Variants in TTC39A observed in about 807,000 individuals in gnomAD.
TTC39A encodes tetratricopeptide repeat protein 39A.
In TTC39A, 46 loss-of-function variants were observed where a neutral mutation model predicts 82.3. The observed-to-expected ratio is 0.56, with a 90% CI of 0.44 to 0.71. The LOEUF is 0.71. Among genes scored for constraint, TTC39A ranks in the 30% least tolerant of loss-of-function variants. The pLI is 0.00. For missense variants in TTC39A, 543 were observed against 712.9 expected (o/e 0.76, Z 2.71); for synonymous variants, 254 against 275.2 (o/e 0.92, Z 0.76).
rs143651677 is a variant in TTC39A, at chr1:51,313,225, T to C, written c.147-282A>G. Among the ~76,000 whole-genome samples, 758 of 152,184 alleles carry C rather than the reference T, an allele frequency of 5.0e-3. 4 individuals are homozygous for C. The highest frequency in any genetic ancestry group is 0.017 in the African/African-American group (695 of 41,562). ...TCGGTAGGGGTGGCAGCAGCATAGC[T>C]GCCATGAGCACTGAGAAAGGGTTTA... On this transcript the variant is annotated intron_variant, in intron 2 of 17. Coordinates refer to ENST00000680483, the MANE Select transcript of TTC39A (RefSeq NM_001297663.2).
upstream of TTC39A, chr1:51,331,510 G>A: frequency 1.0e-6 from 1 of 985,440 alleles, no homozygotes; most frequent in Non-Finnish European, 1.2e-6. Context: ...GAGCAACTAT[G>A]ACCTCCAGGA....
chr1:51,345,108 G>T, exon 1 of TTC39A: 1 of 1,200,130 alleles, frequency 8.3e-7, no homozygotes. Context: ...CGGCCGTGGA[G>T]GCTACAGTGG....
At chr1:51,325,661 T>C (rs1645687535) in intron 1 of TTC39A, among the ~76,000 whole-genome samples, 1 of 152,188 alleles carries the variant, frequency 6.6e-6, no homozygotes. Context: ...CATCCAAGCA[T>C]GCATTCTAAC....
intron 1 of TTC39A, among the ~76,000 whole-genome samples, chr1:51,327,515 A>T (rs140945785): frequency 6.6e-6 from 1 of 152,224 alleles, no homozygotes; most frequent in Non-Finnish European, 1.5e-5. Context: ...TGCAGCTATT[A>T]CTTGCTGGAT....
At chr1:51,331,562 C>A (rs1445118608), upstream of TTC39A, 15 of 985,278 alleles carry the variant, frequency 1.5e-5, no homozygotes, top group African/African-American at 1.7e-5. Context: ...GCAGAAGCAA[C>A]CACGGTGGGA....
intron 1 of TTC39A, among the ~76,000 whole-genome samples, chr1:51,337,587 C>T (rs1240626462): frequency 2.0e-5 from 3 of 151,944 alleles, no homozygotes; most frequent in African/African-American, 7.3e-5. Context: ...CCACCATGCC[C>T]AGCTAATTTT....
chr1:51,301,561 C>A lies in TTC39A; in HGVS notation c.1053+11G>T. The A allele has an allele frequency of 6.3e-7, 1 of 1,593,550 alleles. No individual in the cohort carries two copies. Among genetic ancestry groups the A allele is most frequent in the African/African-American group, 1.3e-5 (1 of 74,650 alleles). On this transcript the variant is annotated intron_variant, in intron 12 of 17. Coordinates refer to ENST00000680483, the MANE Select transcript of TTC39A (RefSeq NM_001297663.2). ...GTCACCCAATGCCCCTAACACGTGG[C>A]ATCAGCCCACCTTGGACCAGCAGTT...
intron 6 of TTC39A, 83 bp from the exon 7 acceptor site, chr1:51,306,159 G>A: frequency 8.9e-7 from 1 of 1,124,886 alleles, no homozygotes; most frequent in Non-Finnish European, 1.3e-6. Context: ...TGGGCCTCAG[G>A]TAAACTCCCT....
intron 1 of TTC39A, among the ~76,000 whole-genome samples, chr1:51,337,985 T>A (rs1478191627): frequency 2.0e-5 from 3 of 152,194 alleles, no homozygotes; most frequent in Non-Finnish European, 4.4e-5. Context: ...GACATGTGGC[T>A]GTGCCCAGCT....
chr1:51,311,715 ACTT>A (rs978748993), intron 4 of TTC39A, among the ~76,000 whole-genome samples: 1 of 152,144 alleles, frequency 6.6e-6, no homozygotes, highest in African/African-American at 2.4e-5. Flanking sequence ...ACCCCAGACC[ACTT>A]CTTCTCATGT....
Position 51,312,832 on chromosome 1 carries a change from C to T in TTC39A, c.258G>A (p.Glu86=). ...DILLAGNMMK[E]AQMLCQRHRR... is the part of the protein sequence containing the mutation. Reference sequence around the variant, plus strand: ...CCAACCTCTGACACAGCATCTGTGCCTCCTTCATCATGTTGCCGGCAAGCA... The same window carrying T: ...CCAACCTCTGACACAGCATCTGTGCTTCCTTCATCATGTTGCCGGCAAGCA... The change falls in exon 3 of 18, where the codon GAG becomes GAA. Residue 86 remains glutamate, a synonymous_variant. Transcript: ENST00000680483. 6.2e-7 allele frequency: 1 copy of T among 1,613,890 alleles called. No homozygotes were observed. The highest frequency in any genetic ancestry group is 1.1e-5 in the South Asian group (1 of 91,060).
At chr1:51,331,821 GGA>G (rs1645916247), upstream of TTC39A, 3 of 985,262 alleles carry the variant, frequency 3.0e-6, no homozygotes, top group Non-Finnish European at 3.6e-6. Context: ...CCAGACAAGG[GGA>G]GAGACTGGGG....
At position 51,338,598 on chromosome 1, in the gene TTC39A, C is replaced by CTT. The variant is rs982499820; in HGVS notation, c.53+6391_53+6392dup. ...GCAGCGCTGTCGAGTGGAGATTTAT[C>CTT]TTTTTTTTTTTTTTTTTTTTTTTGA... is the stretch of plus-strand genomic sequence containing the variant. On this transcript the variant is annotated intron_variant, in intron 1 of 5. Transcript: ENST00000401051. Among the ~76,000 whole-genome samples the CTT allele has an allele frequency of 4.5e-3, 499 of 111,778 alleles. 5 individuals are homozygous for CTT. Among genetic ancestry groups the CTT allele is most frequent in the African/African-American group, 0.012 (333 of 28,676 alleles). The allele number at this position is 111,778 out of a possible 152,430, so 73.3% of individuals were successfully genotyped here.
rs1644852961 is a variant in TTC39A, at chr1:51,305,961, G to A, written c.588+16C>T. The A allele has an allele frequency of 1.2e-6, 2 of 1,612,032 alleles. No homozygotes were observed. The highest frequency in any genetic ancestry group is 1.3e-5 in the African/African-American group (1 of 74,876). On this transcript the variant is annotated intron_variant, in intron 7 of 17. Transcript: ENST00000680483. Reference sequence around the variant, plus strand: ...GCTCAAGCCAGGTGCTGTGGAAATGGAGGAGGAGCACTCACCAGGTTGAAG... The same window carrying A: ...GCTCAAGCCAGGTGCTGTGGAAATGAAGGAGGAGCACTCACCAGGTTGAAG...
chr1:51,311,566 T>C (rs61363859), intron 4 of TTC39A, among the ~76,000 whole-genome samples: 153 of 152,276 alleles, frequency 1.0e-3, no homozygotes, highest in African/African-American at 3.5e-3. Flanking sequence ...TGTGGGGCGT[T>C]AGAACCTTCC....
chr1:51,313,125 T>C (rs1645147746), intron 2 of TTC39A, among the ~76,000 whole-genome samples, 182 bp from the exon 3 acceptor site: 1 of 152,244 alleles, frequency 6.6e-6, no homozygotes, highest in Non-Finnish European at 1.5e-5. Context: ...CCTCGGATTC[T>C]GTTTCCAGCT....
rs748689256 is a variant in TTC39A, at chr1:51,321,839, T to C, written c.42-14A>G. The C allele has an allele frequency of 1.9e-6, 3 of 1,608,480 alleles. No homozygotes were observed. The highest frequency in any genetic ancestry group is 2.5e-6 in the Non-Finnish European group (3 of 1,176,862). On this transcript the variant is annotated splice_polypyrimidine_tract_variant and intron_variant, in intron 1 of 17. Transcript: ENST00000680483. This position sits in a 1 kb window ranked among gnomAD's most constrained non-coding sequence, Gnocchi z 4.6. Reference sequence around the variant, plus strand: ...CTCTCAGGAGTCCTGGGGGAAGAGATGCGGGGCATGACACAGGGGCCCTCC... The same window carrying C: ...CTCTCAGGAGTCCTGGGGGAAGAGACGCGGGGCATGACACAGGGGCCCTCC...
chr1:51,321,916 C>A lies in TTC39A; in HGVS notation c.42-91G>T. On this transcript the variant is annotated intron_variant, in intron 1 of 17. Transcript: ENST00000680483. This position sits in a 1 kb window ranked among gnomAD's most constrained non-coding sequence, Gnocchi z 4.6. The stretch of plus-strand genomic sequence containing the variant: ...CAGAGCCTCACAGGGTCTACTCAGC[C>A]TCCCTGGCCAGCCTTGGGTGCCTGT... 7.1e-7 allele frequency: 1 copy of A among 1,400,934 alleles called. No homozygotes were observed. Among genetic ancestry groups the A allele is most frequent in the Non-Finnish European group, 9.8e-7 (1 of 1,015,628 alleles). 86.8% of individuals were successfully genotyped at this position (1,400,934 alleles called of 1,614,324 possible).
At chr1:51,292,201 TAAATA>T (rs898002862) in intron 14 of TTC39A, among the ~76,000 whole-genome samples, 5 of 152,054 alleles carry the variant, frequency 3.3e-5, no homozygotes, top group African/African-American at 1.2e-4. Flanking sequence ...TATTTAAAAA[TAAATA>T]AAATAAAATA....
Sources: allele counts gnomAD v4.1 joint callset (sites outside exome capture counted in the v4.1 genomes callset), GRCh38; gene constraint gnomAD v4.1.1; non-coding constraint Gnocchi (gnomAD v3.1); transcripts MANE v1.5; gene names NCBI Gene and HGNC (gene_info 2026-07-23, HGNC 2026-07-21).